The following ZNF764 variants were observed in gnomAD, a reference collection of about 807,000 sequenced individuals.
ZNF764 encodes the protein zinc finger protein 764.
ZNF764 carries 10 observed loss-of-function variants against 13.9 expected under a neutral mutation model. The ratio of observed to expected loss-of-function variants is 0.72; its 90% CI spans 0.44 to 1.22. The LOEUF is 1.22. Ranked by LOEUF, ZNF764 falls within the 50% of genes most tolerant of loss-of-function variation. The pLI is 0.00. For missense variants in ZNF764, 647 were observed against 589.7 expected, an observed-to-expected ratio of 1.10 and a Z score of -1.01; for synonymous variants, 313 against 255.1, an observed-to-expected ratio of 1.23 and a Z score of -2.16.
chr16:30,554,687 G>A lies in ZNF764; in HGVS notation c.*507C>T, dbSNP rs997637978. The A allele has an allele frequency of 6.6e-6, 1 of 152,198 alleles. No homozygotes were observed. The highest frequency in any genetic ancestry group is 2.4e-5 in the African/African-American group (1 of 41,374). The allele number at this position is 152,198 out of a possible 1,614,324, so 9.4% of individuals were successfully genotyped here. A position where few individuals can be genotyped will look rare whatever the true frequency, so the allele number is the denominator to read the frequency against. On this transcript the variant is annotated 3_prime_UTR_variant, in exon 3 of 3. Coordinates refer to ENST00000395091, the MANE Select transcript of ZNF764 (RefSeq NM_001172679.2). ...TCTCAGATATTTGGAAGGCTGATGG[G>A]AGAGGATTCCTTGAGCACTGCAGGT...
At chr16:30,556,337 T>G (rs1039007312) in intron 2 of ZNF764, among the ~76,000 whole-genome samples, 5 of 151,712 alleles carry the variant, frequency 3.3e-5, no homozygotes, top group African/African-American at 7.3e-5. Flanking sequence ...AGAGATGACA[T>G]GAACATCTGG....
In ZNF764 at chr16:30,555,126, G is replaced by A. The variant is rs1209937098; in HGVS notation, c.*68C>T. 9.9e-6 allele frequency: 15 copies of A among 1,514,040 alleles called. No individual in the cohort carries two copies. Among genetic ancestry groups the A allele is most frequent in the Admixed American group, 2.1e-5 (1 of 46,518 alleles). 93.8% of individuals were successfully genotyped at this position (1,514,040 alleles called of 1,614,324 possible). A position where few individuals can be genotyped will look rare whatever the true frequency, so the allele number is the denominator to read the frequency against. On this transcript the variant is annotated 3_prime_UTR_variant, in exon 3 of 3. Coordinates refer to ENST00000395091, the MANE Select transcript of ZNF764 (RefSeq NM_001172679.2). ...TTCTGGGACCTCCCTGCAGGCCGCC[G>A]CAGAGGTTCGGGCCCCTGAGCCCAT...
rs768282233 is a variant in ZNF764 at position 30,555,155 on chromosome 16, G to C, written c.*39C>G. 11 of 1,553,268 alleles carry C rather than the reference G, an allele frequency of 7.1e-6. No individual in the cohort carries two copies. Among genetic ancestry groups the C allele is most frequent in the Non-Finnish European group, 9.5e-6 (11 of 1,151,920 alleles). On this transcript the variant is annotated 3_prime_UTR_variant, in exon 3 of 3. Coordinates refer to ENST00000395091, the MANE Select transcript of ZNF764 (RefSeq NM_001172679.2). ...AGGTTCGGGCCCCTGAGCCCATCTC[G>C]GGCCTCCCGTAATGTCTAGATAGTC...
rs1482681974 is a variant in ZNF764 at position 30,555,127 on chromosome 16, C to A, written c.*67G>T. 2 of 1,518,932 alleles carry A rather than the reference C, an allele frequency of 1.3e-6. No individual in the cohort carries two copies. Among genetic ancestry groups the A allele is most frequent in the African/African-American group, 2.8e-5 (2 of 70,806 alleles). The allele number at this position is 1,518,932 out of a possible 1,614,324, so 94.1% of individuals were successfully genotyped here. Reference sequence around the variant, plus strand: ...TCTGGGACCTCCCTGCAGGCCGCCGCAGAGGTTCGGGCCCCTGAGCCCATC... The same window carrying A: ...TCTGGGACCTCCCTGCAGGCCGCCGAAGAGGTTCGGGCCCCTGAGCCCATC... On this transcript the variant is annotated 3_prime_UTR_variant, in exon 3 of 3. Coordinates refer to ENST00000395091, the MANE Select transcript of ZNF764 (RefSeq NM_001172679.2).
In ZNF764 at chr16:30,558,076, C is replaced by G. The variant is rs139523326; in HGVS notation, c.107G>C (p.Cys36Ser). 3.1e-6 allele frequency: 5 copies of G among 1,612,066 alleles called. No homozygotes were observed. Among genetic ancestry groups the G allele is most frequent in the Middle Eastern group, 1.7e-4 (1 of 6,060 alleles). The change falls in exon 1 of 3, where the codon TGC becomes TCC. Residue 36 changes from cysteine to serine, a missense_variant. By Grantham distance (112) the Cys-to-Ser change is moderately radical. Transcript: ENST00000395091. ...CCGCAAGCAGCCCCACTCCTCCCGG[C>G]AGAAGTACACGGCCACGTCCGCGAA... ...VSFADVAVYF[C>S]REEWGCLRPA...
chr16:30,555,369 C>T lies in ZNF764; in HGVS notation c.1049G>A (p.Arg350His), dbSNP rs904518859. Residue 350 changes from arginine (R) to histidine (H), a missense_variant, in exon 3 of 3, where the codon CGC becomes CAC. Arg to His is a conservative substitution (Grantham distance 29, BLOSUM62 0). Transcript: ENST00000395091. ...GGCCACGGCTGACTTCTGGCCAAAGCGGCGGCCGCACTGCGGGCAGGGGTA... is the reference window on the plus strand; with the variant it reads ...GGCCACGGCTGACTTCTGGCCAAAGTGGCGGCCGCACTGCGGGCAGGGGTA... ...KPYPCPQCGR[R>H]FGQKSAVAKH... is the part of the protein sequence containing the mutation. The T allele has an allele frequency of 4.4e-6, 7 of 1,586,418 alleles. No homozygotes were observed. The highest frequency in any genetic ancestry group is 2.3e-5 in the South Asian group (2 of 88,414).
rs1168135654 is a variant in ZNF764, at chr16:30,558,021, C to G, written c.162G>C (p.Val54=). Residue 54 remains valine, a synonymous_variant, in exon 1 of 3, where the codon GTG becomes GTC. Transcript: ENST00000395091. The stretch of plus-strand genomic sequence containing the variant: ...TCAGGTGGCCGTAGGTCTCCCGCAT[C>G]ACGTCCCGGTACAGGGCCCTCTGCG... The part of the protein sequence containing the change: ...RPAQRALYRD[V]MRETYGHLSA... 1.2e-6 allele frequency: 2 copies of G among 1,610,746 alleles called. No homozygotes were observed. Among genetic ancestry groups the G allele is most frequent in the Non-Finnish European group, 1.7e-6 (2 of 1,178,816 alleles).
Position 30,555,777 on chromosome 16 carries a change from G to A in ZNF764, c.641C>T (p.Ala214Val). Residue 214 changes from alanine (A) to valine (V), a missense_variant, in exon 3 of 3, where the codon GCT becomes GTT. Physicochemically the swap from Ala to Val is moderately conservative, Grantham distance 64 (BLOSUM62 0). Coordinates refer to ENST00000395091, the MANE Select transcript of ZNF764 (RefSeq NM_001172679.2). ...CTDCGKGFGH[A>V]SSLSKHRAIH... is the part of the protein sequence containing the mutation. ...GGCCCGGTGTTTGCTCAGGGAGGAA[G>A]CGTGGCCGAAGCCCTTGCCGCAGTC... is the stretch of plus-strand genomic sequence containing the variant. The A allele has an allele frequency of 6.2e-7, 1 of 1,609,724 alleles. No homozygotes were observed.
chr16:30,557,826 C>T lies in ZNF764; in HGVS notation c.217G>A (p.Ala73Thr), dbSNP rs781451973. The stretch of plus-strand genomic sequence containing the variant: ...TCCTCCTCCACCCAGGAGATGAGAG[C>T]TGGCTTGTTGCCTCCGATTCCTAGG... ...SALGIGGNKP[A>T]LISWVEEEAE... The change falls in exon 2 of 3, where the codon GCT (alanine) becomes ACT (threonine). Residue 73 changes from alanine (A) to threonine (T), a missense_variant. Ala to Thr is a moderately conservative substitution (Grantham distance 58, BLOSUM62 0). Transcript: ENST00000395091. 6 of 1,609,682 alleles carry T rather than the reference C, an allele frequency of 3.7e-6. No individual in the cohort carries two copies. The highest frequency in any genetic ancestry group is 3.4e-5 in the Admixed American group (2 of 59,448).
rs1341084004 is a variant in ZNF764, at chr16:30,558,175, G to T, written c.8C>A (p.Pro3Gln). The T allele has an allele frequency of 6.3e-7, 1 of 1,588,346 alleles. No individual in the cohort carries two copies. Among genetic ancestry groups the T allele is most frequent in the East Asian group, 2.2e-5 (1 of 44,592 alleles). The change falls in exon 1 of 3, where the codon CCG (proline) becomes CAG (glutamine). Residue 3 changes from proline (P) to glutamine (Q), a missense_variant. Transcript: ENST00000395091. ...CCGGGGAGGGAGCGGGGCCAGAGGC[G>T]GCGCCATGGTAACTGTCAACCCCGA... MA[P>Q]PLAPLPPRDP...
Position 30,555,482 on chromosome 16 carries a change from C to A in ZNF764, c.936G>T (p.Lys312Asn). 1 of 1,550,982 alleles carries A rather than the reference C, an allele frequency of 6.4e-7. No homozygotes were observed. The highest frequency in any genetic ancestry group is 8.7e-7 in the Non-Finnish European group (1 of 1,152,838). Residue 312 changes from lysine to asparagine, a missense_variant, in exon 3 of 3, where the codon AAG (lysine) becomes AAT (asparagine). By Grantham distance (94) the Lys-to-Asn change is moderately conservative. Coordinates refer to ENST00000395091, the MANE Select transcript of ZNF764 (RefSeq NM_001172679.2). ...RRHVRTHTGE[K>N]PYPCPDCGRC... ...GCCCGCAGTCCGGGCACGGGTAGGG[C>A]TTCTCGCCGGTGTGGGTGCGCACGT...
chr16:30,558,259 G>A lies in ZNF764; in HGVS notation c.-77C>T, dbSNP rs2051576121. ...GGCCTGCGGAACCTCCTGCGCCCGA[G>A]AAAGCCTCCCCGGCCCGGGCCCAAG... On this transcript the variant is annotated 5_prime_UTR_variant, in exon 1 of 3. Coordinates refer to ENST00000395091, the MANE Select transcript of ZNF764 (RefSeq NM_001172679.2). 3 of 1,436,798 alleles carry A rather than the reference G, an allele frequency of 2.1e-6. No homozygotes were observed. The South Asian group carries it at 4.3e-5, about 21-fold the overall frequency. 89.0% of individuals were successfully genotyped at this position (1,436,798 alleles called of 1,614,324 possible).
rs546714053 is a variant in ZNF764, at chr16:30,555,747, T to C, written c.671A>G (p.His224Arg). The change falls in exon 3 of 3, where the codon CAT becomes CGT. Residue 224 changes from histidine (H) to arginine (R), a missense_variant. Coordinates refer to ENST00000395091, the MANE Select transcript of ZNF764 (RefSeq NM_001172679.2). ...ACAGCGGTGGGGCCGCTCCCCACGA[T>C]GGATGGCCCGGTGTTTGCTCAGGGA... ...ASSLSKHRAI[H>R]RGERPHRCLE... The C allele has an allele frequency of 3.1e-6, 5 of 1,605,720 alleles. No homozygotes were observed. The highest frequency in any genetic ancestry group is 4.5e-5 in the East Asian group (2 of 44,734).
Position 30,554,988 on chromosome 16 carries a change from G to A in ZNF764, c.*206C>T, listed in dbSNP as rs756739698. 6 of 594,358 alleles carry A rather than the reference G, an allele frequency of 1.0e-5. No homozygotes were observed. The highest frequency in any genetic ancestry group is 1.7e-5 in the Non-Finnish European group (6 of 356,728). 36.8% of individuals were successfully genotyped at this position (594,358 alleles called of 1,614,324 possible). ...GGGTTCTCAACTCAGCCCTGCCTCA[G>A]TAGAGGGGGCCTTGGAGAGCCCTGG... On this transcript the variant is annotated 3_prime_UTR_variant, in exon 3 of 3. Coordinates refer to ENST00000395091, the MANE Select transcript of ZNF764 (RefSeq NM_001172679.2).
In ZNF764 at chr16:30,554,835, T is replaced by G; in HGVS notation, c.*359A>C. 4.3e-6 allele frequency: 1 copy of G among 232,550 alleles called. No homozygotes were observed. The highest frequency in any genetic ancestry group is 1.5e-4 in the South Asian group (1 of 6,650). The allele number at this position is 232,550 out of a possible 1,614,324, so 14.4% of individuals were successfully genotyped here. A position where few individuals can be genotyped will look rare whatever the true frequency, so the allele number is the denominator to read the frequency against. On this transcript the variant is annotated 3_prime_UTR_variant, in exon 3 of 3. Coordinates refer to ENST00000395091, the MANE Select transcript of ZNF764 (RefSeq NM_001172679.2). Reference sequence around the variant, plus strand: ...CAATGAGTATTGTGTTCTGGGAGGGTCACAAGAATAAAAATAATGATAAAA... The same window carrying G: ...CAATGAGTATTGTGTTCTGGGAGGGGCACAAGAATAAAAATAATGATAAAA...
In ZNF764 at chr16:30,554,947, C is replaced by T; in HGVS notation, c.*247G>A. The T allele has an allele frequency of 2.0e-6, 1 of 498,354 alleles. No homozygotes were observed. Among genetic ancestry groups the T allele is most frequent in the Non-Finnish European group, 3.5e-6 (1 of 287,846 alleles). 30.9% of individuals were successfully genotyped at this position (498,354 alleles called of 1,614,324 possible). ...GGGCTGAGAAACAGCTTTTGGTTCC[C>T]CTTATGTAGGTCTGGGGGTTCTCAA... On this transcript the variant is annotated 3_prime_UTR_variant, in exon 3 of 3. Coordinates refer to ENST00000395091, the MANE Select transcript of ZNF764 (RefSeq NM_001172679.2).
rs943462738 is a variant in ZNF764 at position 30,555,361 on chromosome 16, G to A, written c.1057C>T (p.Gln353Ter). The change falls in exon 3 of 3, where the codon CAG becomes TAG. Residue 353 changes from glutamine to a stop codon, truncating the protein, a stop_gained. Transcript: ENST00000395091. LOFTEE classifies it low-confidence loss of function (END_TRUNC). ...PCPQCGRRFG[Q>*]KSAVAKHQWV... Reference sequence around the variant, plus strand: ...TGGTGTTTGGCCACGGCTGACTTCTGGCCAAAGCGGCGGCCGCACTGCGGG... The same window carrying A: ...TGGTGTTTGGCCACGGCTGACTTCTAGCCAAAGCGGCGGCCGCACTGCGGG... The A allele has an allele frequency of 6.2e-7, 1 of 1,600,840 alleles. No individual in the cohort carries two copies. Among genetic ancestry groups the A allele is most frequent in the African/African-American group, 1.3e-5 (1 of 74,548 alleles).
Position 30,555,572 on chromosome 16 carries a change from G to T in ZNF764, c.846C>A (p.Gly282=). 1 of 1,534,468 alleles carries T rather than the reference G, an allele frequency of 6.5e-7. No homozygotes were observed. Among genetic ancestry groups the T allele is most frequent in the Non-Finnish European group, 8.7e-7 (1 of 1,145,964 alleles). ...ALYQHRRVHS[G]ETPFPCPDCG... ...AGTCCGGGCAGGGGAAGGGGGTCTCGCCGCTGTGCACGCGCCGGTGCTGGT... is the reference window on the plus strand; with the variant it reads ...AGTCCGGGCAGGGGAAGGGGGTCTCTCCGCTGTGCACGCGCCGGTGCTGGT... Residue 282 remains glycine (G), a synonymous_variant, in exon 3 of 3, where the codon GGC becomes GGA. Transcript: ENST00000395091.
Position 30,557,846 on chromosome 16 carries a change from C to A in ZNF764, c.197G>T (p.Gly66Val). The A allele has an allele frequency of 6.2e-7, 1 of 1,602,692 alleles. No individual in the cohort carries two copies. Among genetic ancestry groups the A allele is most frequent in the East Asian group, 2.3e-5 (1 of 44,230 alleles). ...GAGAGCTGGCTTGTTGCCTCCGATT[C>A]CTAGGGAAGAAGAACGCAAACCCCA... The part of the protein sequence containing the change: ...RETYGHLSAL[G>V]IGGNKPALIS... Residue 66 changes from glycine (G) to valine (V), a missense_variant and splice_region_variant, in exon 2 of 3, where the codon GGA becomes GTA. Coordinates refer to ENST00000395091, the MANE Select transcript of ZNF764 (RefSeq NM_001172679.2).
Sources: gnomAD v4.1 joint callset for allele counts (sites outside exome capture counted in the v4.1 genomes callset) on GRCh38, gnomAD v4.1.1 for gene constraint, MANE v1.5 for transcripts, NCBI Gene and HGNC (gene_info 2026-07-23, HGNC 2026-07-21) for gene names.